Variants in CDK14 observed in about 807,000 individuals in gnomAD.
CDK14 encodes the protein cyclin-dependent kinase 14.
CDK14 carries 34 observed loss-of-function variants against 60.7 expected under a neutral mutation model. The ratio of observed to expected loss-of-function variants is 0.56; its 90% CI spans 0.43 to 0.75. The LOEUF is 0.75. Ranked by LOEUF, CDK14 falls within the 30% of genes least tolerant of loss-of-function variation. CDK14 has a pLI of 0.00. For missense variants in CDK14, 482 were observed against 564.1 expected, an observed-to-expected ratio of 0.85 and a Z score of 1.47; for synonymous variants, 197 against 203.7, an observed-to-expected ratio of 0.97 and a Z score of 0.28.
chr7:90,666,337 C>G (rs1020143054), intron 2 of CDK14: 2 of 152,144 alleles, frequency 1.3e-5, no homozygotes, highest in African/African-American at 4.8e-5. Flanking sequence ...TTATTTTTAT[C>G]AGGCTGTGGA....
intron 12 of CDK14, among the ~76,000 whole-genome samples, chr7:91,103,476 C>T (rs866087595): frequency 1.3e-5 from 2 of 152,072 alleles, no homozygotes; most frequent in African/African-American, 2.4e-5. Flanking sequence ...TTTGAAAAAG[C>T]GCTAGTTTCA....
intron 8 of CDK14, among the ~76,000 whole-genome samples, chr7:90,933,860 A>AAT (rs1793672654): frequency 6.6e-6 from 1 of 152,248 alleles, no homozygotes; most frequent in Admixed American, 6.5e-5. Flanking sequence ...GTTCATGTGG[A>AAT]CAGCAAAGCT....
chr7:90,986,086 T>G (rs946680534), intron 10 of CDK14, among the ~76,000 whole-genome samples: 3 of 152,088 alleles, frequency 2.0e-5, no homozygotes, highest in African/African-American at 4.8e-5. Context: ...GAATCATATC[T>G]TGTATATTCT....
chr7:91,093,805 A>G (rs1798900855), intron 12 of CDK14, among the ~76,000 whole-genome samples: 1 of 152,224 alleles, frequency 6.6e-6, no homozygotes, highest in African/African-American at 2.4e-5. Context: ...CTGGATAAAG[A>G]AAATGTGGCA....
At chr7:91,181,205 C>T (rs745911734) in intron 14 of CDK14, among the ~76,000 whole-genome samples, 30 of 152,104 alleles carry the variant, frequency 2.0e-4, no homozygotes, top group African/African-American at 6.3e-4. Context: ...TCCCTCCCTC[C>T]GTCTCCCTTT....
At chr7:91,192,567 T>G (rs1802399183) in intron 14 of CDK14, among the ~76,000 whole-genome samples, 1 of 152,186 alleles carries the variant, frequency 6.6e-6, no homozygotes, top group Non-Finnish European at 1.5e-5. Flanking sequence ...AATTGCAAGT[T>G]CTTGGCTGAT....
chr7:90,698,596 A>G (rs1801714305), intron 2 of CDK14, among the ~76,000 whole-genome samples: 1 of 152,206 alleles, frequency 6.6e-6, no homozygotes, highest in South Asian at 2.1e-4. Context: ...TGTTTAGTAA[A>G]ATTTCAGAAG....
chr7:90,614,954 G>A (rs748548834), intron 2 of CDK14, among the ~76,000 whole-genome samples: 1 of 152,090 alleles, frequency 6.6e-6, no homozygotes, highest in Non-Finnish European at 1.5e-5. Context: ...AAAAAGCCAG[G>A]TATTAGCAAA....
chr7:91,199,042 G>C (rs1331311590), intron 14 of CDK14, among the ~76,000 whole-genome samples: 1 of 152,120 alleles, frequency 6.6e-6, no homozygotes, highest in African/African-American at 2.4e-5. Flanking sequence ...TTTAAATATA[G>C]TTTAGTAGGA....
chr7:91,091,280 A>G (rs918283058), intron 12 of CDK14, among the ~76,000 whole-genome samples: 53 of 145,378 alleles, frequency 3.6e-4, no homozygotes, highest in Non-Finnish European at 7.7e-4. Flanking sequence ...TTATATAAAT[A>G]TATATGTATA....
At chr7:90,908,054 G>T (rs973161607) in intron 7 of CDK14, among the ~76,000 whole-genome samples, 1 of 152,062 alleles carries the variant, frequency 6.6e-6, no homozygotes, top group South Asian at 2.1e-4. Flanking sequence ...ATTATTTCAT[G>T]AGGCCATTAA....
rs187659208 is a variant in CDK14 at position 90,935,760 on chromosome 7, G to A, written c.826+18036G>A. ...AGACGTCACAGATAGTCATAAAGAA[G>A]AACATAGGCTGGCCGTGGTGCCTCT... On this transcript the variant is annotated intron_variant, in intron 8 of 14. Transcript: ENST00000380050. 6.6e-5 allele frequency among the ~76,000 whole-genome samples: 10 copies of A among 152,176 alleles called. No homozygotes were observed. In the East Asian group the frequency reaches 1.5e-3, roughly 24 times the overall value.
In CDK14 at chr7:90,622,364, A is replaced by T. The variant is rs116192035; in HGVS notation, c.123+18115A>T. ...TGTGTGGTAATGTTTTTGCTTAGTA[A>T]ATGTATGCATTATCATCTTGAGCTT... is the stretch of plus-strand genomic sequence containing the variant. On this transcript the variant is annotated intron_variant, in intron 2 of 14. Transcript: ENST00000380050. Among the ~76,000 whole-genome samples, 1,293 of 152,300 alleles carry T rather than the reference A, an allele frequency of 8.5e-3. 24 individuals are homozygous for T. Among genetic ancestry groups the T allele is most frequent in the African/African-American group, 0.027 (1,131 of 41,558 alleles).
intron 14 of CDK14, among the ~76,000 whole-genome samples, chr7:91,154,196 ATACTT>A (rs1800908253): frequency 6.6e-6 from 1 of 151,618 alleles, no homozygotes; most frequent in Non-Finnish European, 1.5e-5. Context: ...AATTGGGGTT[ATACTT>A]TACTTAACTT....
At chr7:90,955,871 T>A in intron 9 of CDK14, 54 bp downstream of exon 9, 3 of 1,596,736 alleles carry the variant, frequency 1.9e-6, no homozygotes, top group Non-Finnish European at 2.6e-6. Context: ...TTGGTCTGGG[T>A]CAAGCCTAGA....
intron 2 of CDK14, among the ~76,000 whole-genome samples, chr7:90,678,978 C>G (rs1801258761): frequency 6.6e-6 from 1 of 152,160 alleles, no homozygotes; most frequent in African/African-American, 2.4e-5. Flanking sequence ...GAGACAGGGT[C>G]TCACTCTGTT....
chr7:90,625,373 G>A (rs914011187), intron 2 of CDK14, among the ~76,000 whole-genome samples: 13 of 152,086 alleles, frequency 8.5e-5, no homozygotes, highest in Non-Finnish European at 1.3e-4. Flanking sequence ...AATAAGTTAC[G>A]GTAGTACCTG....
chr7:91,017,846 C>A (rs1383173930), intron 10 of CDK14, among the ~76,000 whole-genome samples: 1 of 152,182 alleles, frequency 6.6e-6, no homozygotes, highest in Admixed American at 6.5e-5. Context: ...CACTAGGGTA[C>A]AAATGCTAGC....
intron 11 of CDK14, 71 bp from the exon 12 acceptor site, chr7:91,079,361 G>C (rs771808000): frequency 5.5e-5 from 59 of 1,073,764 alleles, no homozygotes; most frequent in Non-Finnish European, 7.6e-5. Context: ...TAAAGTTGAA[G>C]TTTTTTCAAC....
Sources: gnomAD v4.1 joint callset for allele counts (sites outside exome capture counted in the v4.1 genomes callset) on GRCh38, gnomAD v4.1.1 for gene constraint, MANE v1.5 for transcripts, NCBI Gene and HGNC (gene_info 2026-07-23, HGNC 2026-07-21) for gene names.